Variants in IPCEF1 observed in about 807,000 individuals in gnomAD.
IPCEF1 encodes interactor protein for cytohesin exchange factors 1.
A neutral mutation model predicts 50.9 loss-of-function variants in IPCEF1; 31 were observed. That is an observed-to-expected ratio of 0.61 (90% CI 0.46 to 0.82). IPCEF1 has a LOEUF of 0.82. IPCEF1 is among the 40% of genes least tolerant of loss of function. The probability of loss-of-function intolerance (pLI) is 0.00; values close to 1 mark genes in which losing one functional copy is unlikely to be tolerated. For missense variants in IPCEF1, 458 were observed against 514.0 expected, an observed-to-expected ratio of 0.89 and a Z score of 1.05; for synonymous variants, 181 against 192.0, an observed-to-expected ratio of 0.94 and a Z score of 0.47.
intron 3 of IPCEF1, among the ~76,000 whole-genome samples, chr6:154,261,140 T>C (rs1335083663): frequency 6.6e-6 from 1 of 152,046 alleles, no homozygotes; most frequent in Non-Finnish European, 1.5e-5. Flanking sequence ...GCCCAAGCGA[T>C]CCACCCACCT....
rs140970782 is a variant in IPCEF1 at position 154,319,793 on chromosome 6, C to A, written c.-61-30037G>T. On this transcript the variant is annotated intron_variant, in intron 1 of 11. Transcript: ENST00000367220. ...TGCACTCCCTGCCCATATAAACAAG[C>A]CTGAAGTCTGTTCCACGCTCCCAAT... Among the ~76,000 whole-genome samples, 6 of 152,314 alleles carry A rather than the reference C, an allele frequency of 3.9e-5. No individual in the cohort carries two copies. The East Asian group carries it at 1.2e-3, about 29-fold the overall frequency.
intron 1 of IPCEF1, among the ~76,000 whole-genome samples, chr6:154,323,673 C>T (rs1562289399): frequency 6.6e-6 from 1 of 152,128 alleles, no homozygotes. Context: ...TATGCAGAGC[C>T]TGGGTGCAGT....
At chr6:154,294,385 G>A (rs1162074472) in intron 1 of IPCEF1, among the ~76,000 whole-genome samples, 1 of 152,178 alleles carries the variant, frequency 6.6e-6, no homozygotes, top group African/African-American at 2.4e-5. Flanking sequence ...AAATCTCACA[G>A]AAACACCAAT....
chr6:154,252,302 G>C (rs1416834281), intron 3 of IPCEF1, among the ~76,000 whole-genome samples: 1 of 152,082 alleles, frequency 6.6e-6, no homozygotes, highest in Non-Finnish European at 1.5e-5. Flanking sequence ...AGGAGAGAAG[G>C]TTGTCGTGGA....
chr6:154,259,920 A>C (rs901301443), intron 3 of IPCEF1, among the ~76,000 whole-genome samples: 11 of 152,204 alleles, frequency 7.2e-5, no homozygotes, highest in Non-Finnish European at 1.2e-4. Flanking sequence ...GCCTGAAAGC[A>C]AACTGCAAAG....
intron 5 of IPCEF1, among the ~76,000 whole-genome samples, chr6:154,239,972 G>T (rs983496689): frequency 6.6e-6 from 1 of 152,192 alleles, no homozygotes; most frequent in South Asian, 2.1e-4. Flanking sequence ...AAAGTGCTGG[G>T]ACTACAGGCG....
intron 11 of IPCEF1, among the ~76,000 whole-genome samples, chr6:154,165,770 C>T (rs1035213048): frequency 3.3e-5 from 5 of 152,244 alleles, no homozygotes; most frequent in African/African-American, 9.6e-5. Flanking sequence ...GATGTCATTG[C>T]TGCCACTGGG....
At chr6:154,224,708 C>G (rs1211759570) in intron 5 of IPCEF1, among the ~76,000 whole-genome samples, 2 of 151,590 alleles carry the variant, frequency 1.3e-5, no homozygotes, top group Non-Finnish European at 2.9e-5. Flanking sequence ...GGGACTCTGT[C>G]TTAAAAAAAA....
chr6:154,307,753 T>C (rs1338144823), intron 1 of IPCEF1, among the ~76,000 whole-genome samples: 1 of 152,232 alleles, frequency 6.6e-6, no homozygotes, highest in Non-Finnish European at 1.5e-5. Flanking sequence ...TAGATGTACA[T>C]TCACCATCTT....
chr6:154,202,833 T>G (rs1287365535), intron 9 of IPCEF1, among the ~76,000 whole-genome samples: 1 of 151,302 alleles, frequency 6.6e-6, no homozygotes, highest in African/African-American at 2.4e-5. Context: ...TAAATTTCAT[T>G]TTTAAATGGA....
intron 1 of IPCEF1, among the ~76,000 whole-genome samples, chr6:154,324,168 C>T (rs1783463324): frequency 6.6e-6 from 1 of 152,198 alleles, no homozygotes; most frequent in Non-Finnish European, 1.5e-5. Flanking sequence ...TTCAAACCAG[C>T]AGAGGCATGT....
chr6:154,215,864 T>C (rs777968220), intron 7 of IPCEF1, among the ~76,000 whole-genome samples: 2 of 152,072 alleles, frequency 1.3e-5, no homozygotes, highest in Non-Finnish European at 2.9e-5. Flanking sequence ...CTAGACAATA[T>C]GCGAAAAAAA....
intron 5 of IPCEF1, among the ~76,000 whole-genome samples, chr6:154,228,669 G>T (rs961885687): frequency 2.0e-5 from 3 of 152,150 alleles, no homozygotes; most frequent in African/African-American, 7.2e-5. Flanking sequence ...GAAATGTAAA[G>T]GTTGCTGATC....
chr6:154,323,068 A>C (rs1308938685), intron 1 of IPCEF1, among the ~76,000 whole-genome samples: 1 of 152,192 alleles, frequency 6.6e-6, no homozygotes, highest in Non-Finnish European at 1.5e-5. Flanking sequence ...AAGAGATTCC[A>C]GCAGGTGTTG....
At chr6:154,180,414 A>ATATATATATATATATATATTTTT (rs1241250621) in intron 10 of IPCEF1, among the ~76,000 whole-genome samples, 1 of 65,268 alleles carries the variant, frequency 1.5e-5, no homozygotes, top group African/African-American at 4.8e-5. Flanking sequence ...ATATATATAT[A>ATATATATATATATATATATTTTT]TTTTTTTTTT....
chr6:154,190,901 A>G (rs565795051), intron 10 of IPCEF1, among the ~76,000 whole-genome samples: 3 of 152,202 alleles, frequency 2.0e-5, no homozygotes, highest in Admixed American at 6.5e-5. Flanking sequence ...CTAAAAACAC[A>G]AAAAATTAGC....
At chr6:154,258,747 T>C (rs1781521987) in intron 3 of IPCEF1, among the ~76,000 whole-genome samples, 1 of 152,212 alleles carries the variant, frequency 6.6e-6, no homozygotes. Context: ...GTCTACAGTC[T>C]AGATCCTCAA....
intron 2 of IPCEF1, among the ~76,000 whole-genome samples, chr6:154,285,489 A>T (rs980505940): frequency 1.3e-4 from 20 of 152,148 alleles, no homozygotes; most frequent in African/African-American, 3.6e-4. Flanking sequence ...GCTAAAATTT[A>T]AAAAAAGCAA....
At chr6:154,352,957 GA>G (rs1350313353) in intron 1 of IPCEF1, among the ~76,000 whole-genome samples, 1 of 152,056 alleles carries the variant, frequency 6.6e-6, no homozygotes, top group East Asian at 1.9e-4. Flanking sequence ...CATTTTTTAG[GA>G]AATCATCAAA....
Sources: allele counts gnomAD v4.1 joint callset (sites outside exome capture counted in the v4.1 genomes callset), GRCh38; gene constraint gnomAD v4.1.1; transcripts MANE v1.5; gene names NCBI Gene and HGNC (gene_info 2026-07-23, HGNC 2026-07-21).